TNS1: variants seen among roughly 807,000 people sequenced by gnomAD.
TNS1 encodes tensin 1, also known as tensin-1.
TNS1 carries 62 observed loss-of-function variants against 168.6 expected under a neutral mutation model. The observed-to-expected ratio is 0.37, with a 90% CI of 0.30 to 0.45. The LOEUF (loss-of-function observed/expected upper bound fraction) is 0.45. TNS1 is among the 20% of genes least tolerant of loss of function. The pLI, the probability that TNS1 is intolerant of heterozygous loss-of-function variation, is 1.00. For synonymous variants in TNS1, 934 were observed against 933.2 expected, an observed-to-expected ratio of 1.00 and a Z score of -0.02; for missense variants, 2,240 against 2,339.4, an observed-to-expected ratio of 0.96 and a Z score of 0.88.
upstream of TNS1, among the ~76,000 whole-genome samples, chr2:218,014,870 C>G (rs9678338): frequency 2.0e-5 from 2 of 98,056 alleles, no homozygotes; most frequent in Non-Finnish European, 4.4e-5. Context: ...GAAGGAAGGA[C>G]GGAAGGAAGG....
chr2:217,902,195 C>G (rs1953078543), intron 6 of TNS1, among the ~76,000 whole-genome samples: 1 of 152,198 alleles, frequency 6.6e-6, no homozygotes, highest in African/African-American at 2.4e-5. Context: ...AGAAACCCAA[C>G]AGTTCACCCA....
chr2:217,809,092 A>T (rs927106029), intron 30 of TNS1, among the ~76,000 whole-genome samples: 8 of 152,196 alleles, frequency 5.3e-5, no homozygotes, highest in Non-Finnish European at 1.0e-4. Flanking sequence ...GAATGGGTGG[A>T]TGGATAGATG....
At chr2:217,981,091 G>A (rs1958037081) in intron 2 of TNS1, among the ~76,000 whole-genome samples, 1 of 152,218 alleles carries the variant, frequency 6.6e-6, no homozygotes, top group South Asian at 2.1e-4. Context: ...GAGCATGCCT[G>A]TCTCCTTTGC....
In TNS1 at chr2:217,971,304, G is replaced by A. The variant is rs563158930; in HGVS notation, c.186+7461C>T. 7.9e-5 allele frequency among the ~76,000 whole-genome samples: 12 copies of A among 152,242 alleles called. No individual in the cohort carries two copies. The South Asian group carries it at 2.3e-3, about 29-fold the overall frequency. On this transcript the variant is annotated intron_variant, in intron 3 of 32. Transcript: ENST00000682258. ...ACTAGCGATTTGTCTTTTCCAAATT[G>A]CATTAAAAGGGAATCACCCAGTATG...
At chr2:217,845,568 C>T (rs990756298) in intron 19 of TNS1, among the ~76,000 whole-genome samples, 2 of 152,242 alleles carry the variant, frequency 1.3e-5, no homozygotes, top group African/African-American at 4.8e-5. Flanking sequence ...TTCATCCCTT[C>T]TCTTGAGTCA....
At chr2:217,947,902 C>G (rs906046559) in intron 3 of TNS1, among the ~76,000 whole-genome samples, 2 of 152,226 alleles carry the variant, frequency 1.3e-5, no homozygotes, top group Non-Finnish European at 2.9e-5. Flanking sequence ...CCCATGTGCA[C>G]TCCACACAGA....
At chr2:217,872,387 G>A (rs1278226004) in intron 18 of TNS1, among the ~76,000 whole-genome samples, 1 of 152,156 alleles carries the variant, frequency 6.6e-6, no homozygotes, top group Non-Finnish European at 1.5e-5. Flanking sequence ...AATTTAAAAA[G>A]GAAACAGAGG....
intron 22 of TNS1, among the ~76,000 whole-genome samples, chr2:217,823,628 A>T (rs1422465267): frequency 1.3e-5 from 2 of 152,098 alleles, no homozygotes; most frequent in South Asian, 2.1e-4. Flanking sequence ...ACAGAGCAGG[A>T]CCCAGAGGCT....
chr2:217,864,035 C>A (rs1386565282), intron 18 of TNS1, among the ~76,000 whole-genome samples: 3 of 152,200 alleles, frequency 2.0e-5, no homozygotes, highest in Admixed American at 2.0e-4. Context: ...CTTCCCATCC[C>A]AGGAAGGCAG....
At chr2:217,997,684 A>C (rs1376585191) in intron 1 of TNS1, among the ~76,000 whole-genome samples, 1 of 152,004 alleles carries the variant, frequency 6.6e-6, no homozygotes, top group Non-Finnish European at 1.5e-5. Flanking sequence ...GCTCTGCCTC[A>C]CTCTACTAAT....
At chr2:217,992,905 T>C (rs960001873) in intron 1 of TNS1, among the ~76,000 whole-genome samples, 3 of 152,210 alleles carry the variant, frequency 2.0e-5, no homozygotes, top group Non-Finnish European at 4.4e-5. Context: ...AGGAATGGCT[T>C]AAATGCGTCT....
At chr2:217,902,528 A>G (rs1006316495) in intron 6 of TNS1, among the ~76,000 whole-genome samples, 4 of 152,308 alleles carry the variant, frequency 2.6e-5, no homozygotes, top group Non-Finnish European at 5.9e-5. Flanking sequence ...AGGGGTAAGC[A>G]GGACAAGCAG....
rs1479634559 is a variant in TNS1, at chr2:217,846,277, A to T, written c.3007+1233T>A. Among the ~76,000 whole-genome samples the T allele has an allele frequency of 2.6e-5, 4 of 152,184 alleles. No individual in the cohort carries two copies. In the South Asian group the frequency reaches 6.2e-4, roughly 24 times the overall value. On this transcript the variant is annotated intron_variant, in intron 19 of 32. Transcript: ENST00000682258. ...TGGCCAATTTCAAGCTATTATACCAATAGTGGAGCTGGGGACTCTGCTCTG... is the reference window on the plus strand; with the variant it reads ...TGGCCAATTTCAAGCTATTATACCATTAGTGGAGCTGGGGACTCTGCTCTG...
chr2:218,018,099 T>C (rs1051803139), intron 1 of TNS1, among the ~76,000 whole-genome samples: 7 of 152,182 alleles, frequency 4.6e-5, no homozygotes, highest in Non-Finnish European at 1.0e-4. Flanking sequence ...GAGGGTACAA[T>C]GCCTCTCAGT....
intron 28 of TNS1, 85 bp downstream of exon 28, chr2:217,812,283 A>T: frequency 8.8e-7 from 1 of 1,138,448 alleles, no homozygotes; most frequent in South Asian, 1.4e-5. Flanking sequence ...GCCCTGGCCC[A>T]TGTCCGGAGT....
chr2:218,013,908 T>C (rs892608508), upstream of TNS1, among the ~76,000 whole-genome samples: 2 of 152,164 alleles, frequency 1.3e-5, no homozygotes, highest in African/African-American at 4.8e-5. Flanking sequence ...GACAGTGTCT[T>C]CTCTGGGCCC....
At chr2:217,922,083 G>C (rs939869197) in intron 3 of TNS1, among the ~76,000 whole-genome samples, 1 of 152,214 alleles carries the variant, frequency 6.6e-6, no homozygotes, top group African/African-American at 2.4e-5. Context: ...ACACCAGCAC[G>C]GGGCTATGAG....
intron 1 of TNS1, among the ~76,000 whole-genome samples, chr2:218,025,936 C>T (rs1031454298): frequency 2.0e-5 from 3 of 152,194 alleles, no homozygotes; most frequent in Non-Finnish European, 4.4e-5. Flanking sequence ...ACGCATCCTC[C>T]AGGCCTCTTT....
intron 2 of TNS1, among the ~76,000 whole-genome samples, chr2:217,979,089 T>G (rs2126050110): frequency 1.4e-5 from 2 of 145,476 alleles, no homozygotes; most frequent in Non-Finnish European, 3.0e-5. Context: ...AAGGGGGGGG[T>G]CCCCCACTGG....
Sources: gnomAD v4.1 joint callset for allele counts (sites outside exome capture counted in the v4.1 genomes callset) on GRCh38, gnomAD v4.1.1 for gene constraint, MANE v1.5 for transcripts, NCBI Gene and HGNC (gene_info 2026-07-23, HGNC 2026-07-21) for gene names.